FARP2: variants seen among roughly 807,000 people sequenced by gnomAD.
FARP2 encodes the protein FERM, ARH/RhoGEF and pleckstrin domain protein 2, also known as FERM, ARHGEF and pleckstrin domain-containing protein 2.
FARP2 carries 111 observed loss-of-function variants against 130.5 expected under a neutral mutation model. The observed-to-expected ratio is 0.85, with a 90% confidence interval of 0.73 to 1.00. The LOEUF (loss-of-function observed/expected upper bound fraction) is 1.00, where lower values mean the gene tolerates loss of function less well. FARP2 is among the 50% of genes least tolerant of loss of function. The pLI is 0.00. For missense variants in FARP2, 1,385 were observed against 1,346.3 expected, an observed-to-expected ratio of 1.03 and a Z score of -0.45; for synonymous variants, 504 against 516.9, an observed-to-expected ratio of 0.98 and a Z score of 0.34.
Position 241,436,504 on chromosome 2 carries a change from C to A in FARP2, c.1124C>A (p.Ser375Tyr), listed in dbSNP as rs772699140. 15 of 1,614,092 alleles carry A rather than the reference C, an allele frequency of 9.3e-6. No individual in the cohort carries two copies. In the South Asian group the frequency reaches 1.6e-4, roughly 18 times the overall value. The stretch of plus-strand genomic sequence containing the variant: ...AGAAGGCACAGCAAGACCCACACGT[C>A]CGTTCGAGCTCTGACTGCAGACCTA... The part of the protein sequence containing the change: ...YERRHSKTHT[S>Y]VRALTADLPK... The change falls in exon 12 of 27, where the codon TCC becomes TAC. Residue 375 changes from serine to tyrosine, a missense_variant. Transcript: ENST00000264042.
chr2:241,436,492 A>C lies in FARP2; in HGVS notation c.1112A>C (p.Lys371Thr). The C allele has an allele frequency of 6.2e-7, 1 of 1,614,228 alleles. No homozygotes were observed. Residue 371 changes from lysine to threonine, a missense_variant, in exon 12 of 27, where the codon AAG (lysine) becomes ACG (threonine). By Grantham distance (78) the Lys-to-Thr change is moderately conservative. Coordinates refer to ENST00000264042, the MANE Select transcript of FARP2 (RefSeq NM_014808.4). ...CCTCTGTTTTGCAGAAGGCACAGCA[A>C]GACCCACACGTCCGTTCGAGCTCTG... is the stretch of plus-strand genomic sequence containing the variant. ...KRIPYERRHS[K>T]THTSVRALTA...
chr2:241,395,353 T>C (rs963505711), intron 2 of FARP2: 1 of 152,258 alleles, frequency 6.6e-6, no homozygotes, highest in Non-Finnish European at 1.5e-5. Context: ...TCTCTATACC[T>C]TATTTTATAT....
At chr2:241,450,375 A>G (rs758404853) in intron 13 of FARP2, among the ~76,000 whole-genome samples, 11 of 151,504 alleles carry the variant, frequency 7.3e-5, no homozygotes, top group Non-Finnish European at 1.0e-4. Flanking sequence ...CCAAAAAAAC[A>G]AAACAAAAAA....
At chr2:241,379,839 T>C (rs1272017396) in intron 2 of FARP2, among the ~76,000 whole-genome samples, 3 of 152,258 alleles carry the variant, frequency 2.0e-5, no homozygotes, top group African/African-American at 4.8e-5. Context: ...CAAGCTATTA[T>C]GTGACTCTGC....
chr2:241,437,654 A>ATTTTTTTTTT (rs1240929706), intron 12 of FARP2, among the ~76,000 whole-genome samples: 1 of 136,644 alleles, frequency 7.3e-6, no homozygotes, highest in African/African-American at 2.6e-5. Flanking sequence ...ATATATATTT[A>ATTTTTTTTTT]TTTATTTATT....
At chr2:241,405,144 G>T in intron 4 of FARP2, 2 of 228,494 alleles carry the variant, frequency 8.8e-6, no homozygotes, top group South Asian at 2.7e-4. Context: ...AAGACATTGA[G>T]ATTCTTCTTT....
At chr2:241,468,458 C>T in intron 18 of FARP2, 81 bp downstream of exon 18, 1 of 1,023,628 alleles carries the variant, frequency 9.8e-7, no homozygotes, top group Non-Finnish European at 1.5e-6. Context: ...GACCTGAAGA[C>T]TTCCTTCACT....
Position 241,404,761 on chromosome 2 carries a change from T to C in FARP2, c.289-38T>C, listed in dbSNP as rs751472005. 2.7e-6 allele frequency: 4 copies of C among 1,494,472 alleles called. 1 individual carries two copies. In the Middle Eastern group the frequency reaches 5.3e-4, roughly 197 times the overall value. The allele number at this position is 1,494,472 out of a possible 1,614,324, so 92.6% of individuals were successfully genotyped here. ...GCATACTTGTTAAATAGAGACATTATTTAATAGATTGGATTTCTTCTGTTA... is the reference window on the plus strand; with the variant it reads ...GCATACTTGTTAAATAGAGACATTACTTAATAGATTGGATTTCTTCTGTTA... On this transcript the variant is annotated intron_variant, in intron 3 of 26. Coordinates refer to ENST00000264042, the MANE Select transcript of FARP2 (RefSeq NM_014808.4).
At chr2:241,442,636 A>G in intron 13 of FARP2, 1 of 341,298 alleles carries the variant, frequency 2.9e-6, no homozygotes, top group South Asian at 2.3e-5. Context: ...CATTTCATGG[A>G]TAGATATTCA....
At chr2:241,360,035 A>G (rs966861871) in intron 1 of FARP2, among the ~76,000 whole-genome samples, 7 of 152,120 alleles carry the variant, frequency 4.6e-5, no homozygotes, top group African/African-American at 1.7e-4. Flanking sequence ...CCAGCTGCCA[A>G]CTTCCTCTCT....
At chr2:241,466,947 T>TTAAA in intron 17 of FARP2, among the ~76,000 whole-genome samples, 2 of 145,254 alleles carry the variant, frequency 1.4e-5, no homozygotes, top group Non-Finnish European at 3.0e-5. Flanking sequence ...AGTGTTTTGT[T>TTAAA]AAAAAAAAAA....
chr2:241,367,918 T>A (rs778631350), intron 1 of FARP2, among the ~76,000 whole-genome samples: 11 of 151,686 alleles, frequency 7.3e-5, no homozygotes, highest in Non-Finnish European at 1.3e-4. Flanking sequence ...CAGTTTTAGG[T>A]TAATAGCAAA....
chr2:241,465,380 C>T (rs1474336205), intron 17 of FARP2: 3 of 1,090,778 alleles, frequency 2.8e-6, no homozygotes, highest in African/African-American at 3.1e-5. Flanking sequence ...AGGGCAGAGT[C>T]CCCATAGCTG....
chr2:241,402,860 A>C (rs189593732), intron 2 of FARP2, among the ~76,000 whole-genome samples: 1,271 of 11,456 alleles, frequency 0.11, 204 homozygotes, highest in Admixed American at 0.44. Flanking sequence ...ATATATATAT[A>C]TATATATATA....
intron 19 of FARP2, chr2:241,478,393 C>CTCA (rs756924468): frequency 8.4e-6 from 2 of 237,940 alleles, no homozygotes; most frequent in Non-Finnish European, 1.7e-5. Flanking sequence ...CAGTGCAAGA[C>CTCA]TCAGAGTGCC....
intron 1 of FARP2, 23 bp from the exon 2 acceptor site, chr2:241,373,061 G>GGT: frequency 1.8e-6 from 2 of 1,118,282 alleles, no homozygotes; most frequent in East Asian, 3.0e-5. Flanking sequence ...TCCTTCATGT[G>GGT]GTTTTTTTTT....
chr2:241,474,944 C>T lies in FARP2; in HGVS notation c.2132-913C>T, dbSNP rs73119662. Among the ~76,000 whole-genome samples the T allele has an allele frequency of 3.5e-4, 54 of 152,266 alleles. 1 individual carries two copies. Among genetic ancestry groups the T allele is most frequent in the African/African-American group, 1.2e-3 (51 of 41,538 alleles). The stretch of plus-strand genomic sequence containing the variant: ...GTTGGGAGCAGGCTCAGCTATGCTA[C>T]GCCACCACTCTCAGCATGGCCTCAG... On this transcript the variant is annotated intron_variant, in intron 18 of 26. Coordinates refer to ENST00000264042, the MANE Select transcript of FARP2 (RefSeq NM_014808.4).
intron 14 of FARP2, among the ~76,000 whole-genome samples, chr2:241,461,994 G>A (rs1432684663): frequency 6.6e-6 from 1 of 152,234 alleles, no homozygotes; most frequent in African/African-American, 2.4e-5. Flanking sequence ...CCAGCACCTT[G>A]GGCAGAGATA....
At chr2:241,466,291 T>G (rs926129341) in intron 17 of FARP2, 1 of 985,292 alleles carries the variant, frequency 1.0e-6, no homozygotes, top group African/African-American at 1.7e-5. Flanking sequence ...CCCGGAGTAG[T>G]GCTTGTCTTG....
Sources: gnomAD v4.1 joint callset for allele counts (sites outside exome capture counted in the v4.1 genomes callset) on GRCh38, gnomAD v4.1.1 for gene constraint, MANE v1.5 for transcripts, NCBI Gene and HGNC (gene_info 2026-07-23, HGNC 2026-07-21) for gene names.